EVC: variants seen among roughly 807,000 people sequenced by gnomAD.
The protein encoded by EVC is EvC ciliary complex subunit 1.
Under a neutral mutation model 118.9 loss-of-function variants are expected in EVC, and 116 were observed. The observed-to-expected ratio is 0.98, with a 90% CI of 0.84 to 1.14. The LOEUF is 1.14. Ranked by LOEUF, EVC falls within the 50% of genes most tolerant of loss-of-function variation. The pLI, the probability that EVC is intolerant of heterozygous loss-of-function variation, is 0.00. For synonymous variants in EVC, 619 were observed against 534.7 expected (o/e 1.16, Z -2.18); for missense variants, 1,401 against 1,246.4 (o/e 1.12, Z -1.87).
At position 5,748,304 on chromosome 4, in the gene EVC, C is replaced by G. The variant is rs6854138; in HGVS notation, c.1096C>G (p.Leu366Val). The G allele has an allele frequency of 1.9e-6, 3 of 1,613,974 alleles. No individual in the cohort carries two copies. The highest frequency in any genetic ancestry group is 2.5e-6 in the Non-Finnish European group (3 of 1,180,000). Residue 366 changes from leucine to valine, a missense_variant and splice_region_variant, in exon 8 of 21, where the codon CTG becomes GTG. Leu to Val is a conservative substitution (Grantham distance 32). Transcript: ENST00000264956. ...LLCDSQELQA[L>V]DALERTMGRA... The stretch of plus-strand genomic sequence containing the variant: ...GTGCGATTCTCAGGAGCTGCAGGCT[C>G]TGGTAATGCTGGAGGGGGCGGGAGG...
chr4:5,822,502 G>T, the EVC span, among the ~76,000 whole-genome samples: 35 of 149,730 alleles, frequency 2.3e-4, 1 homozygote, highest in South Asian at 8.5e-4. Flanking sequence ...AAGGGGGGGG[G>T]GGTGGTGTGC....
At chr4:5,821,843 T>G in the EVC span, 1,863 of 1,584,824 alleles carry the variant, frequency 1.2e-3, 3 homozygotes, top group Non-Finnish European at 1.4e-3. The surrounding 1 kb of genome is among the most constrained non-coding windows in gnomAD (Gnocchi z 4.4). Flanking sequence ...TTGTCATCTA[T>G]CTGGGCACCT....
At chr4:5,758,007 G>C (rs1731436805) in intron 11 of EVC, 2 of 694,592 alleles carry the variant, frequency 2.9e-6, no homozygotes, top group Non-Finnish European at 5.2e-6. Flanking sequence ...GATGTAATTG[G>C]TTAGATCGCA....
chr4:5,795,098 G>A (rs1189025022), intron 13 of EVC, among the ~76,000 whole-genome samples: 2 of 152,122 alleles, frequency 1.3e-5, no homozygotes, highest in African/African-American at 2.4e-5. Flanking sequence ...GTATTCCATG[G>A]TGTATATATA....
At chr4:5,735,794 T>C (rs62298656) in intron 5 of EVC, among the ~76,000 whole-genome samples, 39,095 of 152,024 alleles carry the variant, frequency 0.26, 5,722 homozygotes, top group African/African-American at 0.41. Flanking sequence ...CCCTGCATGT[T>C]AAAGGTGCTC....
At chr4:5,729,604 A>G (rs955125916) in intron 3 of EVC, among the ~76,000 whole-genome samples, 13 of 152,118 alleles carry the variant, frequency 8.5e-5, no homozygotes, top group African/African-American at 2.4e-4. Flanking sequence ...ATCCCCAGGG[A>G]CACGAGGTAA....
At chr4:5,774,493 C>A (rs907281458) in intron 11 of EVC, among the ~76,000 whole-genome samples, 2 of 151,972 alleles carry the variant, frequency 1.3e-5, no homozygotes, top group Non-Finnish European at 1.5e-5. Flanking sequence ...GTATTATCAG[C>A]CCCCTTTGAC....
At chr4:5,716,896 C>T (rs2151823065) in intron 1 of EVC, among the ~76,000 whole-genome samples, 1 of 152,248 alleles carries the variant, frequency 6.6e-6, no homozygotes, top group East Asian at 1.9e-4. Context: ...AACCTCTTTT[C>T]CTTTTGTTCC....
chr4:5,828,239 A>G, the EVC span: 13 of 985,234 alleles, frequency 1.3e-5, no homozygotes, highest in African/African-American at 1.7e-5. Flanking sequence ...CCCATGATCC[A>G]CCCACCCTCA....
At chr4:5,734,962 C>T (rs1232020613) in intron 5 of EVC, among the ~76,000 whole-genome samples, 1 of 152,134 alleles carries the variant, frequency 6.6e-6, no homozygotes, top group Non-Finnish European at 1.5e-5. Flanking sequence ...AGAGCCTGTC[C>T]AGTTGGCAAG....
intron 11 of EVC, chr4:5,758,396 G>T (rs1212071786): frequency 5.0e-6 from 2 of 401,118 alleles, no homozygotes; most frequent in Non-Finnish European, 8.9e-6. Context: ...TATCTTAAGT[G>T]CCTCTTGAGT....
Position 5,748,254 on chromosome 4 carries a change from GAA to G in EVC, c.1047_1048del (p.Arg349SerfsTer34), listed in dbSNP as rs745627738. ...CAGCTGATGATGACTCTGACGGAAA[GAA>G]TGATTGCAGCCGAAGGGCTATTGTG... On this transcript the variant is annotated frameshift_variant, in exon 8 of 21. Transcript: ENST00000264956. LOFTEE classifies it high-confidence loss of function. The G allele has an allele frequency of 2.5e-6, 4 of 1,614,146 alleles. No individual in the cohort carries two copies. The highest frequency in any genetic ancestry group is 3.4e-6 in the Non-Finnish European group (4 of 1,180,024).
rs778335798 is a variant in EVC, at chr4:5,749,341, G to GGGAAAA, written c.1098+1035_1098+1036insGGAAAA. Among the ~76,000 whole-genome samples the GGGAAAA allele has an allele frequency of 8.2e-6, 1 of 121,880 alleles. No homozygotes were observed. 80.0% of individuals were successfully genotyped at this position (121,880 alleles called of 152,430 possible). Reference sequence around the variant, plus strand: ...TAACACTAACGATAGCTGATGAGCGGAAAAAAAAAAAAAAAAAAAGGTCCC... The same window carrying GGGAAAA: ...TAACACTAACGATAGCTGATGAGCGGGGAAAAAAAAAAAAAAAAAAAAAAAGGTCCC... On this transcript the variant is annotated intron_variant, in intron 8 of 20. Coordinates refer to ENST00000264956, the MANE Select transcript of EVC (RefSeq NM_153717.3). This position sits in a 1 kb window ranked among gnomAD's most constrained non-coding sequence, Gnocchi z 4.4.
intron 1 of EVC, among the ~76,000 whole-genome samples, chr4:5,714,488 T>A (rs1009789998): frequency 7.8e-6 from 1 of 127,600 alleles, no homozygotes; most frequent in Non-Finnish European, 1.6e-5. Context: ...ATATTGCTGC[T>A]GCTTGCATTT....
the EVC span, chr4:5,821,841 T>G: frequency 6.3e-7 from 1 of 1,585,118 alleles, no homozygotes; most frequent in Non-Finnish European, 8.6e-7. This position sits in a 1 kb window ranked among gnomAD's most constrained non-coding sequence, Gnocchi z 4.4. Flanking sequence ...TGTTGTCATC[T>G]ATCTGGGCAC....
chr4:5,803,866 T>C lies in EVC; in HGVS notation c.2450-864T>C, dbSNP rs532553627. 1.5e-3 allele frequency among the ~76,000 whole-genome samples: 221 copies of C among 151,888 alleles called. 1 individual carries two copies. The highest frequency in any genetic ancestry group is 5.1e-3 in the African/African-American group (212 of 41,418). ...GAAGAGGTAATCCTATAGTTAGCTG[T>C]CCAAACCAGGGGCACTATTAATAAT... On this transcript the variant is annotated intron_variant, in intron 16 of 20. Transcript: ENST00000264956.
chr4:5,802,186 T>C, intron 16 of EVC, 92 bp downstream of exon 16: 2 of 1,482,180 alleles, frequency 1.3e-6, no homozygotes, highest in South Asian at 2.3e-5. Context: ...ACTGTGAATT[T>C]TATTTTTGGG....
the EVC span, among the ~76,000 whole-genome samples, chr4:5,823,287 T>C: frequency 6.6e-6 from 1 of 152,242 alleles, no homozygotes; most frequent in Non-Finnish European, 1.5e-5. Flanking sequence ...GTAGTGACTT[T>C]TCTTTTCTCC....
At chr4:5,825,818 C>T in the EVC span, 1 of 684,738 alleles carries the variant, frequency 1.5e-6, no homozygotes, top group Non-Finnish European at 2.5e-6. The surrounding 1 kb of genome is among the most constrained non-coding windows in gnomAD (Gnocchi z 4.4). Context: ...GTGCACTTCA[C>T]ACACATGCAG....
Sources: gnomAD v4.1 joint callset for allele counts (sites outside exome capture counted in the v4.1 genomes callset) on GRCh38, gnomAD v4.1.1 for gene constraint, Gnocchi (gnomAD v3.1) non-coding constraint, MANE v1.5 for transcripts, NCBI Gene and HGNC (gene_info 2026-07-23, HGNC 2026-07-21) for gene names.